The following SLC39A11 variants were observed in gnomAD, a reference collection of about 807,000 sequenced individuals.
SLC39A11 encodes the protein zinc transporter ZIP11.
Under a neutral mutation model 36.1 loss-of-function variants are expected in SLC39A11, and 33 were observed. The observed-to-expected ratio is 0.91, with a 90% CI of 0.69 to 1.22. The LOEUF (loss-of-function observed/expected upper bound fraction) is 1.22. Ranked by LOEUF, SLC39A11 falls within the 50% of genes most tolerant of loss-of-function variation. The probability of loss-of-function intolerance (pLI) is 0.00; values close to 1 mark genes in which losing one functional copy is unlikely to be tolerated. For missense variants in SLC39A11, 432 were observed against 430.3 expected (o/e 1.00, Z -0.03); for synonymous variants, 166 against 170.3 (o/e 0.97, Z 0.20).
chr17:72,911,073 T>G (rs145410903), intron 5 of SLC39A11, among the ~76,000 whole-genome samples: 1 of 152,274 alleles, frequency 6.6e-6, no homozygotes, highest in East Asian at 1.9e-4. Flanking sequence ...TAAAACCCAC[T>G]TATAAAACAA....
intron 3 of SLC39A11, among the ~76,000 whole-genome samples, chr17:73,056,666 G>A (rs1195285289): frequency 1.3e-5 from 2 of 152,134 alleles, no homozygotes; most frequent in Admixed American, 6.6e-5. Context: ...CAAACAAGCT[G>A]GCTTGGATCT....
chr17:72,751,001 C>T (rs4616320), intron 6 of SLC39A11, among the ~76,000 whole-genome samples: 54,716 of 152,130 alleles, frequency 0.36, 11,996 homozygotes, highest in Non-Finnish European at 0.49. Flanking sequence ...AATCCCAGCA[C>T]TTTGGGAGGC....
intron 4 of SLC39A11, among the ~76,000 whole-genome samples, chr17:72,986,049 T>G (rs957222915): frequency 6.6e-6 from 1 of 152,148 alleles, no homozygotes; most frequent in Non-Finnish European, 1.5e-5. Flanking sequence ...CCTGGAGCCT[T>G]GAGGAGGCAC....
chr17:72,712,992 G>C (rs2073175585), intron 7 of SLC39A11: 1 of 152,316 alleles, frequency 6.6e-6, no homozygotes, highest in African/African-American at 2.4e-5. Context: ...CTGCAGATGA[G>C]GGGGCAATGG....
At chr17:72,981,717 AAT>A (rs2088328937) in intron 4 of SLC39A11, among the ~76,000 whole-genome samples, 2 of 152,210 alleles carry the variant, frequency 1.3e-5, no homozygotes, top group South Asian at 4.1e-4. Flanking sequence ...GTACAAATTA[AAT>A]AAAAATCTAC....
intron 4 of SLC39A11, among the ~76,000 whole-genome samples, chr17:72,961,277 T>G (rs908909704): frequency 8.5e-5 from 13 of 152,148 alleles, no homozygotes; most frequent in Non-Finnish European, 1.3e-4. Flanking sequence ...TAGGAACACT[T>G]TTACACTGTT....
At chr17:72,955,030 G>T (rs2086142928) in intron 4 of SLC39A11, among the ~76,000 whole-genome samples, 1 of 152,168 alleles carries the variant, frequency 6.6e-6, no homozygotes. Context: ...TGCAATTCTT[G>T]CCTTGTCCAA....
intron 7 of SLC39A11, among the ~76,000 whole-genome samples, chr17:72,686,654 C>T (rs1244775146): frequency 6.6e-6 from 1 of 152,226 alleles, no homozygotes; most frequent in Non-Finnish European, 1.5e-5. Flanking sequence ...GAATGCCCAG[C>T]TATGGCCCAA....
chr17:72,715,638 G>A (rs891659120), intron 7 of SLC39A11, among the ~76,000 whole-genome samples: 4 of 152,174 alleles, frequency 2.6e-5, no homozygotes, highest in African/African-American at 9.7e-5. Context: ...CAGGGGCTGG[G>A]GGGAGATAAG....
intron 3 of SLC39A11, among the ~76,000 whole-genome samples, chr17:73,078,938 T>C (rs2060421465): frequency 7.7e-6 from 1 of 129,872 alleles, no homozygotes; most frequent in African/African-American, 2.7e-5. Flanking sequence ...CATGTTACAT[T>C]TTACACACAC....
intron 7 of SLC39A11, among the ~76,000 whole-genome samples, chr17:72,653,692 G>A (rs1402418646): frequency 1.3e-5 from 2 of 152,072 alleles, no homozygotes; most frequent in African/African-American, 2.4e-5. Flanking sequence ...TGCTCGACTC[G>A]GCCTCCCAAA....
At chr17:72,969,357 A>G (rs978823309) in intron 4 of SLC39A11, among the ~76,000 whole-genome samples, 42 of 152,152 alleles carry the variant, frequency 2.8e-4, no homozygotes, top group African/African-American at 9.9e-4. Context: ...CAGGGGAGAG[A>G]GGAGAGAGGG....
At chr17:72,656,530 G>GA (rs1567910530) in intron 7 of SLC39A11, among the ~76,000 whole-genome samples, 1 of 151,954 alleles carries the variant, frequency 6.6e-6, no homozygotes, top group East Asian at 1.9e-4. Flanking sequence ...GGAGACGGGG[G>GA]AGGCGGGAAG....
chr17:72,815,480 G>A (rs2077552867), intron 6 of SLC39A11, among the ~76,000 whole-genome samples: 1 of 152,054 alleles, frequency 6.6e-6, no homozygotes, highest in Admixed American at 6.6e-5. Flanking sequence ...AGCAGGTCAT[G>A]GTGGCAGGTG....
rs148541529 is a variant in SLC39A11, at chr17:72,654,314, A to C, written c.672-5046T>G. 5.3e-5 allele frequency among the ~76,000 whole-genome samples: 8 copies of C among 152,192 alleles called. No homozygotes were observed. In the East Asian group the frequency reaches 1.6e-3, roughly 30 times the overall value. ...CTGGGGCCCCAGGCCTAGGACTCGA[A>C]AGCTAGCTTTGGAAGACACTGTTGA... On this transcript the variant is annotated intron_variant, in intron 7 of 9. Transcript: ENST00000255559.
intron 7 of SLC39A11, among the ~76,000 whole-genome samples, chr17:72,669,624 G>C (rs906955223): frequency 4.6e-5 from 7 of 152,308 alleles, no homozygotes; most frequent in Admixed American, 1.3e-4. Context: ...GCATAAAGTA[G>C]TTTGTGCTGG....
intron 5 of SLC39A11, among the ~76,000 whole-genome samples, chr17:72,915,887 C>T (rs2083301323): frequency 6.6e-6 from 1 of 152,180 alleles, no homozygotes; most frequent in Non-Finnish European, 1.5e-5. Flanking sequence ...GCTTTCTTTT[C>T]ATGTAAATAG....
chr17:72,988,559 T>C (rs1315731066), intron 4 of SLC39A11, among the ~76,000 whole-genome samples: 1 of 152,104 alleles, frequency 6.6e-6, no homozygotes, highest in Non-Finnish European at 1.5e-5. Context: ...CTCATTCTTA[T>C]TCCACTTTTT....
At chr17:72,676,455 G>C (rs1319256681) in intron 7 of SLC39A11, among the ~76,000 whole-genome samples, 1 of 152,104 alleles carries the variant, frequency 6.6e-6, no homozygotes, top group Non-Finnish European at 1.5e-5. Flanking sequence ...GGAAGTAGAT[G>C]AAATTAGCAC....
Sources: allele counts gnomAD v4.1 joint callset (sites outside exome capture counted in the v4.1 genomes callset), GRCh38; gene constraint gnomAD v4.1.1; transcripts MANE v1.5; gene names NCBI Gene and HGNC (gene_info 2026-07-23, HGNC 2026-07-21).